Variants in RGS6 observed in about 807,000 individuals in gnomAD.
The protein encoded by RGS6 is regulator of G protein signaling 6.
A neutral mutation model predicts 78.5 loss-of-function variants in RGS6; 30 were observed. The ratio of observed to expected loss-of-function variants is 0.38; its 90% CI spans 0.29 to 0.52. RGS6 has a LOEUF of 0.52. RGS6 is among the 20% of genes least tolerant of loss of function. The pLI is 0.85. For missense variants in RGS6, 495 were observed against 609.7 expected, an observed-to-expected ratio of 0.81 and a Z score of 1.98; for synonymous variants, 206 against 206.0, an observed-to-expected ratio of 1.00 and a Z score of 0.00.
At chr14:72,600,257 T>C in the RGS6 span, among the ~76,000 whole-genome samples, 3 of 152,084 alleles carry the variant, frequency 2.0e-5, no homozygotes, top group Non-Finnish European at 4.4e-5. Context: ...GGCCAGGCAC[T>C]GGCCTCTACA....
intron 3 of RGS6, among the ~76,000 whole-genome samples, chr14:72,436,510 A>G (rs977678475): frequency 6.6e-6 from 1 of 152,164 alleles, no homozygotes; most frequent in Non-Finnish European, 1.5e-5. Context: ...TACAACCTCA[A>G]TATTAATCTG....
intron 3 of RGS6, among the ~76,000 whole-genome samples, chr14:72,408,717 T>A (rs1410428213): frequency 6.6e-6 from 1 of 152,214 alleles, no homozygotes; most frequent in African/African-American, 2.4e-5. Flanking sequence ...CTATGTTAAC[T>A]GTCACAATCT....
chr14:72,196,343 G>T (rs1440063164), intron 2 of RGS6, among the ~76,000 whole-genome samples: 1 of 152,178 alleles, frequency 6.6e-6, no homozygotes, highest in Non-Finnish European at 1.5e-5. Flanking sequence ...GCAGGGACCT[G>T]GGATTTCCCC....
In RGS6 at chr14:72,283,363, G is replaced by A. The variant is rs147562967; in HGVS notation, c.85-68732G>A. Among the ~76,000 whole-genome samples the A allele has an allele frequency of 4.0e-3, 606 of 152,278 alleles. 2 individuals are homozygous for A. The highest frequency in any genetic ancestry group is 0.014 in the African/African-American group (574 of 41,552). ...TAGGAATCTCTGAGATGGTTTGGCT[G>A]TGTCCCCACCCAAACCTCATCTTGA... On this transcript the variant is annotated intron_variant, in intron 2 of 17. Coordinates refer to ENST00000553525, the MANE Select transcript of RGS6 (RefSeq NM_001204424.2).
intron 2 of RGS6, among the ~76,000 whole-genome samples, chr14:72,221,107 A>C (rs909547757): frequency 6.6e-6 from 1 of 152,180 alleles, no homozygotes; most frequent in African/African-American, 2.4e-5. Flanking sequence ...TATCTATTTG[A>C]AGTCAGATCC....
the RGS6 span, among the ~76,000 whole-genome samples, chr14:72,592,809 A>G: frequency 6.6e-6 from 1 of 152,314 alleles, no homozygotes; most frequent in South Asian, 2.1e-4. Flanking sequence ...GGGAGAGATA[A>G]GTTGCCTGGC....
chr14:72,248,137 G>C (rs1426714583), intron 2 of RGS6, among the ~76,000 whole-genome samples: 1 of 152,160 alleles, frequency 6.6e-6, no homozygotes. Context: ...GACCTTTCCA[G>C]GGGTTCTGTA....
At chr14:72,250,672 T>C (rs2055519260) in intron 2 of RGS6, among the ~76,000 whole-genome samples, 2 of 152,176 alleles carry the variant, frequency 1.3e-5, no homozygotes, top group Non-Finnish European at 1.5e-5. Context: ...AGAGATTGAA[T>C]TGGAATTTGG....
intron 2 of RGS6, among the ~76,000 whole-genome samples, chr14:72,058,180 C>A (rs2093713451): frequency 6.6e-6 from 1 of 151,622 alleles, no homozygotes; most frequent in African/African-American, 2.4e-5. Context: ...CCCAGATGTG[C>A]TGAGGCTTCA....
At chr14:72,580,776 C>T in the RGS6 span, among the ~76,000 whole-genome samples, 54,101 of 152,060 alleles carry the variant, frequency 0.36, 10,505 homozygotes, top group Non-Finnish European at 0.43. Context: ...ATGGCCAAGA[C>T]AGGACTCAGG....
At chr14:72,189,784 G>A (rs1370826281) in intron 2 of RGS6, among the ~76,000 whole-genome samples, 2 of 151,980 alleles carry the variant, frequency 1.3e-5, no homozygotes, top group African/African-American at 4.8e-5. Flanking sequence ...GGTCTTTCTA[G>A]GCAGAAATGA....
chr14:72,191,518 CAGAA>C (rs2097325346), intron 2 of RGS6, among the ~76,000 whole-genome samples: 2 of 152,184 alleles, frequency 1.3e-5, no homozygotes, highest in South Asian at 4.1e-4. Flanking sequence ...ACAATCACGG[CAGAA>C]GATGAAGGAA....
intron 3 of RGS6, among the ~76,000 whole-genome samples, chr14:72,447,360 C>T (rs1194806186): frequency 6.6e-6 from 1 of 152,158 alleles, no homozygotes; most frequent in Non-Finnish European, 1.5e-5. Context: ...TGAGGCCTCA[C>T]CAGACTAGTA....
At chr14:72,320,624 GA>G (rs2071670717) in intron 2 of RGS6, among the ~76,000 whole-genome samples, 1 of 151,028 alleles carries the variant, frequency 6.6e-6, no homozygotes, top group Non-Finnish European at 1.5e-5. Flanking sequence ...AACTATTAAA[GA>G]CTTTATCTAA....
At chr14:72,002,775 G>A (rs1711645118) in intron 2 of RGS6, among the ~76,000 whole-genome samples, 1 of 152,128 alleles carries the variant, frequency 6.6e-6, no homozygotes, top group South Asian at 2.1e-4. Flanking sequence ...TTCTGCCTTT[G>A]GTGCATGCTT....
chr14:71,967,340 G>A (rs192522504), intron 2 of RGS6, among the ~76,000 whole-genome samples: 130 of 152,148 alleles, frequency 8.5e-4, no homozygotes, highest in African/African-American at 3.0e-3. Context: ...TAGTTAACCT[G>A]ACTGACTTAA....
chr14:72,304,270 C>T (rs1027194007), intron 2 of RGS6, among the ~76,000 whole-genome samples: 4 of 152,126 alleles, frequency 2.6e-5, no homozygotes, highest in African/African-American at 9.7e-5. Context: ...TTTGTCTGAC[C>T]TTCTCATATT....
intron 1 of RGS6, among the ~76,000 whole-genome samples, chr14:71,960,355 C>T (rs1325798666): frequency 6.6e-6 from 1 of 152,186 alleles, no homozygotes; most frequent in Non-Finnish European, 1.5e-5. Flanking sequence ...TGGGGAAAAT[C>T]TTTATGTGTG....
chr14:72,258,809 A>T (rs927620141), intron 2 of RGS6, among the ~76,000 whole-genome samples: 1 of 152,222 alleles, frequency 6.6e-6, no homozygotes, highest in African/African-American at 2.4e-5. Flanking sequence ...GGTAACATAA[A>T]TTAAAAGTAG....
Sources: gnomAD v4.1 joint callset for allele counts (sites outside exome capture counted in the v4.1 genomes callset) on GRCh38, gnomAD v4.1.1 for gene constraint, MANE v1.5 for transcripts, NCBI Gene and HGNC (gene_info 2026-07-23, HGNC 2026-07-21) for gene names.